Variants in RARB observed in about 807,000 individuals in gnomAD.
RARB encodes HBV-activated protein.
RARB carries 17 observed loss-of-function variants against 51.9 expected under a neutral mutation model. That is an observed-to-expected ratio of 0.33 (90% CI 0.22 to 0.49). RARB has a LOEUF of 0.49. Among genes scored for constraint, RARB ranks in the 20% least tolerant of loss-of-function variants. The pLI, the probability that RARB is intolerant of heterozygous loss-of-function variation, is 0.99. For missense variants in RARB, 369 were observed against 550.8 expected, an observed-to-expected ratio of 0.67 and a Z score of 3.30; for synonymous variants, 215 against 195.4, an observed-to-expected ratio of 1.10 and a Z score of -0.84.
At chr3:25,564,143 G>A (rs577177935) in intron 3 of RARB, among the ~76,000 whole-genome samples, 1 of 152,158 alleles carries the variant, frequency 6.6e-6, no homozygotes, top group South Asian at 2.1e-4. Flanking sequence ...TCCATGATTA[G>A]ACATTCAAAT....
chr3:25,429,245 T>C (rs1178856748), intron 1 of RARB, among the ~76,000 whole-genome samples: 1 of 152,208 alleles, frequency 6.6e-6, no homozygotes, highest in East Asian at 1.9e-4. Flanking sequence ...TTTGCAGTTT[T>C]TACTAAAATG....
intron 3 of RARB, among the ~76,000 whole-genome samples, chr3:25,068,983 G>T (rs1410492693): frequency 6.6e-6 from 1 of 150,876 alleles, no homozygotes. Context: ...CCTAAACCCA[G>T]TTCAGGGCAG....
intron 5 of RARB, among the ~76,000 whole-genome samples, chr3:25,231,941 G>T (rs9310774): frequency 0.022 from 3,374 of 150,892 alleles, 125 homozygotes; most frequent in African/African-American, 0.076. Context: ...TTTTTCTTTC[G>T]GTATCGTGTC....
At chr3:24,922,086 A>T (rs1440237633) in intron 2 of RARB, among the ~76,000 whole-genome samples, 2 of 152,216 alleles carry the variant, frequency 1.3e-5, no homozygotes, top group Admixed American at 1.3e-4. Context: ...CTCCATGTGT[A>T]AAATACAGAT....
In RARB at chr3:25,416,500, C is replaced by T. The variant is rs149809786; in HGVS notation, c.179-44693C>T. Among the ~76,000 whole-genome samples, 689 of 152,324 alleles carry T rather than the reference C, an allele frequency of 4.5e-3. 1 individual carries two copies. The highest frequency in any genetic ancestry group is 9.6e-3 in the Admixed American group (147 of 15,294). On this transcript the variant is annotated intron_variant, in intron 5 of 11. Coordinates refer to the RARB transcript ENST00000383772. ...CAGTTCCAGGACTGCCGCTAGATTT[C>T]ATCTTCAAAGCCAATTCAATGGATT...
chr3:25,297,672 CT>C (rs920276469), intron 5 of RARB, among the ~76,000 whole-genome samples: 3 of 151,686 alleles, frequency 2.0e-5, no homozygotes, highest in African/African-American at 4.8e-5. Flanking sequence ...CTTATTTTTT[CT>C]TTTTGTTTTC....
intron 2 of RARB, among the ~76,000 whole-genome samples, chr3:24,894,310 C>T (rs1456732302): frequency 6.7e-6 from 1 of 149,294 alleles, no homozygotes; most frequent in East Asian, 2.0e-4. Flanking sequence ...GTGGCCCCAT[C>T]TTTGTGTCTG....
At chr3:25,285,238 G>T (rs1322207951) in intron 5 of RARB, among the ~76,000 whole-genome samples, 2 of 152,180 alleles carry the variant, frequency 1.3e-5, no homozygotes, top group East Asian at 3.8e-4. Context: ...GTTAGACAAA[G>T]CTCCACTGAG....
At chr3:25,519,999 C>T (rs986171987) in intron 3 of RARB, among the ~76,000 whole-genome samples, 1 of 152,164 alleles carries the variant, frequency 6.6e-6, no homozygotes, top group Non-Finnish European at 1.5e-5. Context: ...CAGGGGTCAG[C>T]CTATGAGCCA....
chr3:25,282,247 C>T (rs902805600), intron 5 of RARB, among the ~76,000 whole-genome samples: 1 of 152,192 alleles, frequency 6.6e-6, no homozygotes, highest in African/African-American at 2.4e-5. Flanking sequence ...ACTGCTTCCT[C>T]TTCTTCAAAT....
chr3:25,545,458 G>GAA (rs1032399141), intron 3 of RARB, among the ~76,000 whole-genome samples: 1 of 152,142 alleles, frequency 6.6e-6, no homozygotes, highest in Non-Finnish European at 1.5e-5. Context: ...AGCTGCAGGA[G>GAA]AACCTAGACT....
chr3:25,244,462 T>G (rs137910678), intron 5 of RARB, among the ~76,000 whole-genome samples: 1 of 152,202 alleles, frequency 6.6e-6, no homozygotes, highest in African/African-American at 2.4e-5. Context: ...GTTACAAATT[T>G]CCCTCTAAAC....
chr3:25,199,600 C>A (rs1701339275), intron 5 of RARB, among the ~76,000 whole-genome samples: 1 of 152,014 alleles, frequency 6.6e-6, no homozygotes, highest in South Asian at 2.1e-4. Flanking sequence ...TATCCCTTCC[C>A]CGACACCACA....
At chr3:25,119,285 G>C (rs570763572) in intron 3 of RARB, among the ~76,000 whole-genome samples, 4 of 152,104 alleles carry the variant, frequency 2.6e-5, no homozygotes, top group Admixed American at 2.6e-4. Flanking sequence ...CTGAGGGGTC[G>C]GTGGTAAGGA....
chr3:25,557,053 C>A (rs2125674389), intron 3 of RARB, among the ~76,000 whole-genome samples: 1 of 152,226 alleles, frequency 6.6e-6, no homozygotes, highest in East Asian at 1.9e-4. Flanking sequence ...CAGTTTCTCA[C>A]AATGACGTGC....
chr3:25,300,547 C>A (rs1298700508), intron 5 of RARB, among the ~76,000 whole-genome samples: 1 of 152,174 alleles, frequency 6.6e-6, no homozygotes, highest in Non-Finnish European at 1.5e-5. Flanking sequence ...AGGCAGAGGG[C>A]AGTTTTCTGA....
At chr3:25,196,817 G>A (rs1238893771) in intron 5 of RARB, among the ~76,000 whole-genome samples, 2 of 152,024 alleles carry the variant, frequency 1.3e-5, no homozygotes, top group Non-Finnish European at 2.9e-5. Context: ...TGTCTGATGA[G>A]CAGTGATAAT....
At chr3:25,422,233 A>C (rs1214559446) in intron 5 of RARB, among the ~76,000 whole-genome samples, 1 of 152,224 alleles carries the variant, frequency 6.6e-6, no homozygotes, top group Non-Finnish European at 1.5e-5. Flanking sequence ...TAATATTAAC[A>C]CGAAATAATT....
At chr3:25,019,473 C>A (rs1368675373) in intron 2 of RARB, among the ~76,000 whole-genome samples, 1 of 151,914 alleles carries the variant, frequency 6.6e-6, no homozygotes, top group East Asian at 1.9e-4. Context: ...GCCAGTGATG[C>A]CAAATTCCCT....
Sources: gnomAD v4.1 joint callset for allele counts (sites outside exome capture counted in the v4.1 genomes callset) on GRCh38, gnomAD v4.1.1 for gene constraint, MANE v1.5 for transcripts, NCBI Gene and HGNC (gene_info 2026-07-23, HGNC 2026-07-21) for gene names.